The following SLC17A1 variants were observed in gnomAD, a reference collection of about 807,000 sequenced individuals.
The protein encoded by SLC17A1 is solute carrier family 17 member 1.
A neutral mutation model predicts 53.5 loss-of-function variants in SLC17A1; 51 were observed. That is an observed-to-expected ratio of 0.95 (90% CI 0.76 to 1.20). The LOEUF is 1.20. Ranked by LOEUF, SLC17A1 falls within the 50% of genes most tolerant of loss-of-function variation. The pLI is 0.00. For missense variants in SLC17A1, 538 were observed against 568.2 expected (o/e 0.95, Z 0.54); for synonymous variants, 179 against 198.8 (o/e 0.90, Z 0.84).
chr6:25,769,323 C>T, the SLC17A1 span: 1 of 863,934 alleles, frequency 1.2e-6, no homozygotes, highest in Non-Finnish European at 1.8e-6. Flanking sequence ...GGCACAAGTA[C>T]CTAAGTATCA....
chr6:25,728,641 T>C, the SLC17A1 span, among the ~76,000 whole-genome samples: 1 of 152,034 alleles, frequency 6.6e-6, no homozygotes, highest in Non-Finnish European at 1.5e-5. Context: ...GGTGAAACCC[T>C]GTCTCTACTC....
At chr6:25,794,429 T>C (rs1166831392) in intron 12 of SLC17A1, among the ~76,000 whole-genome samples, 3 of 152,192 alleles carry the variant, frequency 2.0e-5, no homozygotes, top group Admixed American at 6.5e-5. Context: ...ATATTCTGAG[T>C]TGTGGTTCAT....
chr6:25,797,589 A>G (rs941511678), intron 12 of SLC17A1, among the ~76,000 whole-genome samples: 1 of 151,566 alleles, frequency 6.6e-6, no homozygotes, highest in Non-Finnish European at 1.5e-5. Context: ...TTTCTAATCT[A>G]GAGCATCCAT....
intron 3 of SLC17A1, among the ~76,000 whole-genome samples, chr6:25,825,535 A>G (rs1184578476): frequency 2.0e-5 from 3 of 151,896 alleles, no homozygotes; most frequent in South Asian, 2.1e-4. Flanking sequence ...GTTCCTCTGT[A>G]GGTATTTTCT....
intron 8 of SLC17A1, among the ~76,000 whole-genome samples, chr6:25,812,052 T>C (rs925193767): frequency 6.6e-6 from 1 of 152,126 alleles, no homozygotes; most frequent in Non-Finnish European, 1.5e-5. Context: ...ACATTGGGAA[T>C]AGGAAATACC....
In SLC17A1 at chr6:25,809,506, A is replaced by G. The variant is rs550408922; in HGVS notation, c.1178+1892T>C. On this transcript the variant is annotated intron_variant, in intron 10 of 12. Transcript: ENST00000244527. ...ATCCACACACACACACACAAAATCA[A>G]TGAAACAATCCCATATATAATAGTT... Among the ~76,000 whole-genome samples the G allele has an allele frequency of 1.6e-4, 24 of 152,138 alleles. No individual in the cohort carries two copies. The South Asian group carries it at 4.4e-3, about 28-fold the overall frequency.
chr6:25,759,180 T>A, the SLC17A1 span, among the ~76,000 whole-genome samples: 4 of 152,190 alleles, frequency 2.6e-5, no homozygotes, highest in Non-Finnish European at 4.4e-5. Context: ...ATAATTTCGA[T>A]TTCCTTAAAT....
the SLC17A1 span, among the ~76,000 whole-genome samples, chr6:25,755,571 A>T: frequency 6.6e-6 from 1 of 152,332 alleles, no homozygotes; most frequent in East Asian, 1.9e-4. Flanking sequence ...AGTCTTGGCA[A>T]GAAAAACTGA....
At chr6:25,770,890 C>T in the SLC17A1 span, 1 of 1,532,582 alleles carries the variant, frequency 6.5e-7, no homozygotes, top group Non-Finnish European at 9.0e-7. Flanking sequence ...CAAGACGAGT[C>T]CTCTCACCCA....
intron 12 of SLC17A1, among the ~76,000 whole-genome samples, chr6:25,797,149 C>A (rs547897247): frequency 2.4e-4 from 37 of 152,172 alleles, no homozygotes; most frequent in Non-Finnish European, 4.3e-4. Context: ...AAACAAAAAA[C>A]AAACAAACAA....
the SLC17A1 span, chr6:25,727,070 T>G: frequency 6.2e-7 from 1 of 1,614,250 alleles, no homozygotes; most frequent in South Asian, 1.1e-5. Context: ...ATCCGGACAC[T>G]GGCATCTCTT....
chr6:25,797,390 A>G (rs910563276), intron 12 of SLC17A1, among the ~76,000 whole-genome samples: 4 of 152,220 alleles, frequency 2.6e-5, no homozygotes, highest in Non-Finnish European at 5.9e-5. Context: ...GACATGAAAA[A>G]TAGAATATTG....
the SLC17A1 span, among the ~76,000 whole-genome samples, chr6:25,769,722 T>C: frequency 6.6e-6 from 1 of 152,122 alleles, no homozygotes; most frequent in African/African-American, 2.4e-5. Context: ...TCCCCTACAA[T>C]GATGAAAATC....
the SLC17A1 span, among the ~76,000 whole-genome samples, chr6:25,755,148 T>C: frequency 1.3e-5 from 2 of 151,826 alleles, no homozygotes; most frequent in African/African-American, 4.8e-5. Flanking sequence ...TTTTGTGAAG[T>C]ACATTAATTT....
Position 25,813,187 on chromosome 6 carries a change from G to C in SLC17A1, c.643C>G (p.Leu215Val), listed in dbSNP as rs1764220899. 4 of 1,614,160 alleles carry C rather than the reference G, an allele frequency of 2.5e-6. No homozygotes were observed. The highest frequency in any genetic ancestry group is 3.4e-6 in the Non-Finnish European group (4 of 1,180,012). ...FGACGCAVCLLWFVLFYDDPK... is the reference protein window; with the variant it reads ...FGACGCAVCLVWFVLFYDDPK... Reference sequence around the variant, plus strand: ...TCATCATAAAACAGAACGAACCAGAGAAGACATACGGCACAGCCACAAGCA... The same window carrying C: ...TCATCATAAAACAGAACGAACCAGACAAGACATACGGCACAGCCACAAGCA... Residue 215 changes from leucine (L) to valine (V), a missense_variant, in exon 7 of 13, where the codon CTC (leucine) becomes GTC (valine). Coordinates refer to ENST00000244527, the MANE Select transcript of SLC17A1 (RefSeq NM_005074.5).
chr6:25,730,841 T>A, the SLC17A1 span, among the ~76,000 whole-genome samples: 4,945 of 152,268 alleles, frequency 0.032, 219 homozygotes, highest in African/African-American at 0.094. Context: ...AATTCAGGTG[T>A]GAGATCATGA....
chr6:25,808,671 C>T (rs548028582), intron 10 of SLC17A1, among the ~76,000 whole-genome samples: 1 of 151,924 alleles, frequency 6.6e-6, no homozygotes, highest in East Asian at 1.9e-4. Context: ...ATCACTAATC[C>T]TCAGAGTAGT....
intron 2 of SLC17A1, among the ~76,000 whole-genome samples, chr6:25,829,444 T>A (rs985774458): frequency 1.3e-5 from 2 of 152,126 alleles, no homozygotes; most frequent in African/African-American, 4.8e-5. Flanking sequence ...CTAAACTCAG[T>A]ATCATAGGGA....
chr6:25,732,473 G>T, the SLC17A1 span: 1 of 321,424 alleles, frequency 3.1e-6, no homozygotes, highest in African/African-American at 2.2e-5. Context: ...CTCGGGGGAA[G>T]GGTACGCGCT....
Sources: gnomAD v4.1 joint callset for allele counts (sites outside exome capture counted in the v4.1 genomes callset) on GRCh38, gnomAD v4.1.1 for gene constraint, MANE v1.5 for transcripts, NCBI Gene and HGNC (gene_info 2026-07-23, HGNC 2026-07-21) for gene names.